UBE2G1: variants seen among roughly 807,000 people sequenced by gnomAD.
The protein encoded by UBE2G1 is ubiquitin-conjugating enzyme E2 G1.
In UBE2G1, 5 loss-of-function variants were observed where a neutral mutation model predicts 22.7. That is an observed-to-expected ratio of 0.22 (90% confidence interval 0.12 to 0.46). The LOEUF is 0.46. UBE2G1 is among the 20% of genes least tolerant of loss of function. UBE2G1 has a pLI of 0.99. For synonymous variants in UBE2G1, 74 were observed against 67.5 expected, an observed-to-expected ratio of 1.10 and a Z score of -0.47; for missense variants, 88 against 203.9, an observed-to-expected ratio of 0.43 and a Z score of 3.46.
intron 4 of UBE2G1, among the ~76,000 whole-genome samples, chr17:4,286,638 T>C (rs1268170466): frequency 6.6e-6 from 1 of 152,226 alleles, no homozygotes; most frequent in Admixed American, 6.5e-5. Context: ...GAGAATGACT[T>C]TACTCTGGCA....
intron 2 of UBE2G1, chr17:4,302,043 A>G (rs1192814114): frequency 6.0e-6 from 3 of 497,380 alleles, no homozygotes; most frequent in East Asian, 5.5e-5. Context: ...ACAACAACAA[A>G]AAAAGGGGGG....
intron 1 of UBE2G1, among the ~76,000 whole-genome samples, chr17:4,332,276 T>G (rs1459152249): frequency 6.6e-6 from 1 of 152,140 alleles, no homozygotes; most frequent in Non-Finnish European, 1.5e-5. Flanking sequence ...CAACCGTAAG[T>G]CACACAGTCA....
At chr17:4,365,061 T>A (rs1242386461) in intron 1 of UBE2G1, among the ~76,000 whole-genome samples, 2 of 152,214 alleles carry the variant, frequency 1.3e-5, no homozygotes, top group African/African-American at 2.4e-5. Context: ...GACAACCTTT[T>A]CCTTAAGAAG....
At chr17:4,364,871 C>T (rs909654184) in intron 1 of UBE2G1, among the ~76,000 whole-genome samples, 2 of 152,254 alleles carry the variant, frequency 1.3e-5, no homozygotes, top group East Asian at 3.8e-4. Context: ...CGTGAGCCAG[C>T]GCGCCCGGCC....
intron 1 of UBE2G1, among the ~76,000 whole-genome samples, chr17:4,354,017 A>G (rs937017439): frequency 2.0e-5 from 3 of 151,990 alleles, no homozygotes; most frequent in African/African-American, 7.2e-5. Context: ...CACAAACGTC[A>G]ACCTTTCCAG....
At chr17:4,288,267 A>G (rs1455808628) in intron 4 of UBE2G1, among the ~76,000 whole-genome samples, 1 of 152,104 alleles carries the variant, frequency 6.6e-6, no homozygotes. Flanking sequence ...AGGTATGACA[A>G]TCGCTTTTGT....
chr17:4,301,389 C>G, intron 2 of UBE2G1: 1 of 589,678 alleles, frequency 1.7e-6, no homozygotes, highest in South Asian at 1.5e-5. Flanking sequence ...GCTGGCCCTT[C>G]TGTGGCCTCC....
At chr17:4,327,399 G>A (rs1439662599) in intron 1 of UBE2G1, among the ~76,000 whole-genome samples, 1 of 152,136 alleles carries the variant, frequency 6.6e-6, no homozygotes, top group Non-Finnish European at 1.5e-5. Context: ...TTGGAACCGG[G>A]AAGCAGAGGT....
intron 3 of UBE2G1, among the ~76,000 whole-genome samples, chr17:4,290,770 C>A (rs1431776229): frequency 7.3e-6 from 1 of 136,500 alleles, no homozygotes; most frequent in Non-Finnish European, 1.6e-5. Context: ...CACATGGCAC[C>A]ATTCCTGGCT....
At chr17:4,333,082 T>C (rs553741525) in intron 1 of UBE2G1, among the ~76,000 whole-genome samples, 2 of 152,294 alleles carry the variant, frequency 1.3e-5, no homozygotes, top group African/African-American at 4.8e-5. Flanking sequence ...TGTATCACTT[T>C]AGGAAAAAGC....
chr17:4,293,840 C>G (rs751440687), intron 3 of UBE2G1, among the ~76,000 whole-genome samples: 3 of 152,076 alleles, frequency 2.0e-5, no homozygotes, highest in Non-Finnish European at 4.4e-5. Context: ...ACTAAATTAC[C>G]CTTCCTGCAA....
At chr17:4,326,074 A>C (rs1969501658) in intron 1 of UBE2G1, among the ~76,000 whole-genome samples, 2 of 152,206 alleles carry the variant, frequency 1.3e-5, no homozygotes, top group Admixed American at 1.3e-4. Context: ...ACTCTTGGAC[A>C]TGACACCAAG....
rs529118340 is a variant in UBE2G1 at position 4,354,696 on chromosome 17, C to CA, written c.46+11574dup. Among the ~76,000 whole-genome samples the CA allele has an allele frequency of 7.6e-4, 116 of 152,170 alleles. 3 individuals carry two copies. In the East Asian group the frequency reaches 0.016, roughly 20 times the overall value. ...TGGGGCAAAGATTTGACACATGGTT[C>CA]AAGGTGGGAGGATTGCTTGAACCCA... is the stretch of plus-strand genomic sequence containing the variant. On this transcript the variant is annotated intron_variant, in intron 1 of 5. Coordinates refer to ENST00000396981, the MANE Select transcript of UBE2G1 (RefSeq NM_003342.5).
chr17:4,338,478 C>G (rs544217037), intron 1 of UBE2G1, among the ~76,000 whole-genome samples: 6 of 152,244 alleles, frequency 3.9e-5, no homozygotes, highest in East Asian at 3.9e-4. Context: ...TTAGCTCCCC[C>G]CTCAACTCCA....
At chr17:4,321,687 C>A (rs1969440421) in intron 1 of UBE2G1, among the ~76,000 whole-genome samples, 1 of 152,012 alleles carries the variant, frequency 6.6e-6, no homozygotes, top group Non-Finnish European at 1.5e-5. Context: ...GAGACAAGGT[C>A]TTCCTACGTT....
intron 1 of UBE2G1, among the ~76,000 whole-genome samples, chr17:4,336,974 T>C (rs949413952): frequency 5.9e-5 from 9 of 152,202 alleles, no homozygotes; most frequent in African/African-American, 1.2e-4. Flanking sequence ...AAAGTAGAAA[T>C]AGTCTATACA....
intron 3 of UBE2G1, among the ~76,000 whole-genome samples, chr17:4,295,001 A>G (rs908694776): frequency 2.6e-5 from 4 of 151,964 alleles, no homozygotes; most frequent in South Asian, 2.1e-4. Flanking sequence ...GGAAGGAGAG[A>G]CGGAGGGAGG....
At chr17:4,275,027 C>A (rs1968805632) in intron 5 of UBE2G1, among the ~76,000 whole-genome samples, 1 of 148,744 alleles carries the variant, frequency 6.7e-6, no homozygotes, top group African/African-American at 2.5e-5. Context: ...GACCTTGTCT[C>A]AAAAAAGGAA....
chr17:4,300,499 T>C (rs982502104), intron 2 of UBE2G1, among the ~76,000 whole-genome samples: 37 of 152,042 alleles, frequency 2.4e-4, no homozygotes, highest in African/African-American at 8.4e-4. Flanking sequence ...GCCAAGATTG[T>C]GCCACTGCAC....
Sources: gnomAD v4.1 joint callset for allele counts (sites outside exome capture counted in the v4.1 genomes callset) on GRCh38, gnomAD v4.1.1 for gene constraint, MANE v1.5 for transcripts, NCBI Gene and HGNC (gene_info 2026-07-23, HGNC 2026-07-21) for gene names.